CNTN5: variants seen among roughly 807,000 people sequenced by gnomAD.
CNTN5 encodes the protein contactin 5.
Under a neutral mutation model 129.1 loss-of-function variants are expected in CNTN5, and 77 were observed. The ratio of observed to expected loss-of-function variants is 0.60; its 90% confidence interval spans 0.50 to 0.72. The LOEUF is 0.72. Among genes scored for constraint, CNTN5 ranks in the 30% least tolerant of loss-of-function variants. The pLI is 0.00. For synonymous variants in CNTN5, 509 were observed against 465.6 expected, an observed-to-expected ratio of 1.09 and a Z score of -1.20; for missense variants, 1,478 against 1,328.8, an observed-to-expected ratio of 1.11 and a Z score of -1.75.
chr11:99,401,879 T>C (rs1941830207), intron 2 of CNTN5, among the ~76,000 whole-genome samples: 1 of 152,104 alleles, frequency 6.6e-6, no homozygotes, highest in Non-Finnish European at 1.5e-5. Context: ...AGTTTACTGT[T>C]AGCATATAGA....
intron 3 of CNTN5, among the ~76,000 whole-genome samples, chr11:99,648,164 G>T (rs1952032926): frequency 1.3e-5 from 2 of 151,920 alleles, no homozygotes; most frequent in South Asian, 2.1e-4. Context: ...TGCTGTTTCT[G>T]CATCTATTGA....
chr11:99,169,715 A>AT (rs930893036), intron 1 of CNTN5, among the ~76,000 whole-genome samples: 2 of 152,174 alleles, frequency 1.3e-5, no homozygotes, highest in Admixed American at 1.3e-4. Context: ...AAGGGTTTAC[A>AT]TGCAAATGAT....
intron 2 of CNTN5, among the ~76,000 whole-genome samples, chr11:99,359,914 A>G (rs1938984950): frequency 6.6e-6 from 1 of 152,220 alleles, no homozygotes; most frequent in Non-Finnish European, 1.5e-5. Context: ...AGAATGAACA[A>G]CTTGGATTAA....
chr11:99,824,479 A>G (rs543642557), intron 4 of CNTN5, among the ~76,000 whole-genome samples: 13 of 152,094 alleles, frequency 8.5e-5, no homozygotes, highest in African/African-American at 3.1e-4. Context: ...ACTGTAGGAA[A>G]TTTACAAATC....
chr11:99,127,537 T>G (rs1021401962), intron 1 of CNTN5, among the ~76,000 whole-genome samples: 13 of 152,178 alleles, frequency 8.5e-5, no homozygotes, highest in African/African-American at 2.7e-4. Context: ...CTAACTCCAT[T>G]GCATAAGACA....
chr11:99,875,136 C>A (rs568240832), intron 6 of CNTN5, among the ~76,000 whole-genome samples: 13 of 152,270 alleles, frequency 8.5e-5, no homozygotes, highest in African/African-American at 2.9e-4. Context: ...CTTTTCTGAA[C>A]ATCTGTATCC....
At chr11:99,738,629 GTGTGTGTGTGTGTA>G (rs1220819811) in intron 3 of CNTN5, among the ~76,000 whole-genome samples, 1 of 150,988 alleles carries the variant, frequency 6.6e-6, no homozygotes, top group African/African-American at 2.5e-5. Flanking sequence ...GTGTGTGTGT[GTGTGTGTGTGTGTA>G]TGTGTGTGTA....
At chr11:100,005,699 G>C (rs1940149450) in intron 9 of CNTN5, among the ~76,000 whole-genome samples, 1 of 151,994 alleles carries the variant, frequency 6.6e-6, no homozygotes, top group African/African-American at 2.4e-5. Context: ...TTTGTTTGTT[G>C]CCTTTTTTGA....
intron 1 of CNTN5, among the ~76,000 whole-genome samples, chr11:99,204,572 A>G (rs1295474119): frequency 6.6e-6 from 1 of 152,208 alleles, no homozygotes; most frequent in African/African-American, 2.4e-5. Context: ...TTTCTCAGAA[A>G]ATCACGACTA....
At chr11:100,087,058 T>C (rs555793735) in intron 13 of CNTN5, among the ~76,000 whole-genome samples, 40 of 151,636 alleles carry the variant, frequency 2.6e-4, no homozygotes, top group Admixed American at 3.9e-4. Flanking sequence ...AATTAGAAGA[T>C]TGGTAAAGTC....
At chr11:99,957,700 A>C (rs1355789560) in intron 8 of CNTN5, among the ~76,000 whole-genome samples, 1 of 152,160 alleles carries the variant, frequency 6.6e-6, no homozygotes, top group Non-Finnish European at 1.5e-5. Context: ...ATTAAGAAGC[A>C]TGAGAATCCT....
intron 13 of CNTN5, among the ~76,000 whole-genome samples, chr11:100,177,527 G>C (rs974454141): frequency 6.6e-6 from 1 of 152,088 alleles, no homozygotes; most frequent in Non-Finnish European, 1.5e-5. Flanking sequence ...GAATCTGACT[G>C]AAATACTTCA....
At chr11:99,547,971 AATATATTT>A (rs1948355896) in intron 2 of CNTN5, among the ~76,000 whole-genome samples, 1 of 152,170 alleles carries the variant, frequency 6.6e-6, no homozygotes, top group Non-Finnish European at 1.5e-5. Context: ...AAATGGAAAT[AATATATTT>A]ACCTATATGG....
intron 3 of CNTN5, among the ~76,000 whole-genome samples, chr11:99,608,412 A>G (rs1045778040): frequency 6.6e-6 from 1 of 152,160 alleles, no homozygotes; most frequent in Non-Finnish European, 1.5e-5. Flanking sequence ...AAGGAAAACA[A>G]TGTTGACCTT....
intron 8 of CNTN5, among the ~76,000 whole-genome samples, chr11:99,970,175 C>T (rs1295910316): frequency 6.6e-6 from 1 of 152,140 alleles, no homozygotes; most frequent in Non-Finnish European, 1.5e-5. Flanking sequence ...CACTCCTTTA[C>T]CTGACACCCA....
intron 3 of CNTN5, among the ~76,000 whole-genome samples, chr11:99,630,007 G>A (rs1398168): frequency 0.22 from 32,571 of 151,278 alleles, 3,973 homozygotes; most frequent in Middle Eastern, 0.35. Context: ...TTGATGATAC[G>A]CATGGATTTA....
intron 3 of CNTN5, among the ~76,000 whole-genome samples, chr11:99,790,841 G>A (rs1408753569): frequency 1.3e-5 from 2 of 151,834 alleles, no homozygotes; most frequent in African/African-American, 4.8e-5. Flanking sequence ...TTATTTTTTT[G>A]ACATTTTATT....
chr11:99,568,872 A>C (rs12790902), intron 3 of CNTN5, among the ~76,000 whole-genome samples: 1 of 152,228 alleles, frequency 6.6e-6, no homozygotes, highest in Non-Finnish European at 1.5e-5. Context: ...CATATCTGAT[A>C]ATATTTAACA....
rs1861998076 is a variant in CNTN5 at position 99,249,640 on chromosome 11, C to T, written c.-209-75706C>T. On this transcript the variant is annotated intron_variant, in intron 1 of 24. Coordinates refer to ENST00000524871, the MANE Select transcript of CNTN5 (RefSeq NM_014361.4). ...TATGTTATTTGAAATCCAAATATTC[C>T]AATGTAGAGATTTTTATGATTCTCT... is the stretch of plus-strand genomic sequence containing the variant. Among the ~76,000 whole-genome samples, 4 of 151,624 alleles carry T rather than the reference C, an allele frequency of 2.6e-5. No homozygotes were observed. The Admixed American group carries it at 2.6e-4, about 10-fold the overall frequency.
Sources: allele counts gnomAD v4.1 joint callset (sites outside exome capture counted in the v4.1 genomes callset), GRCh38; gene constraint gnomAD v4.1.1; transcripts MANE v1.5; gene names NCBI Gene and HGNC (gene_info 2026-07-23, HGNC 2026-07-21).